Variants in SH3RF2 observed in about 807,000 individuals in gnomAD.
SH3RF2 encodes the protein E3 ubiquitin-protein ligase SH3RF2.
SH3RF2 carries 43 observed loss-of-function variants against 59.0 expected under a neutral mutation model. That is an observed-to-expected ratio of 0.73 (90% confidence interval 0.57 to 0.94). SH3RF2 has a LOEUF of 0.94. Among genes scored for constraint, SH3RF2 ranks in the 40% least tolerant of loss-of-function variants. SH3RF2 has a pLI of 0.00. For missense variants in SH3RF2, 930 were observed against 940.1 expected (o/e 0.99, Z 0.14); for synonymous variants, 391 against 391.5 (o/e 1.00, Z 0.01).
intron 5 of SH3RF2, among the ~76,000 whole-genome samples, chr5:146,044,603 T>A (rs1200654701): frequency 6.6e-6 from 1 of 152,222 alleles, no homozygotes; most frequent in Non-Finnish European, 1.5e-5. Flanking sequence ...TTCTTATGAA[T>A]GTATTGTGAG....
In SH3RF2 at chr5:146,004,061, G is replaced by A. The variant is rs767712032; in HGVS notation, c.652G>A (p.Asp218Asn). 35 of 1,611,386 alleles carry A rather than the reference G, an allele frequency of 2.2e-5. No individual in the cohort carries two copies. In the Admixed American group the frequency reaches 4.2e-4, roughly 19 times the overall value. The change falls in exon 4 of 10, where the codon GAT becomes AAT. Residue 218 changes from aspartate to asparagine, a missense_variant. Transcript: ENST00000359120. Reference protein sequence around the residue: ...NQDCLTFLKDDIITVISRVDE... With the variant: ...NQDCLTFLKDNIITVISRVDE... ...ACCATGAGACTTTCTCTTTCAGGAC[G>A]ATATCATCACTGTGATCAGCCGAGT... is the stretch of plus-strand genomic sequence containing the variant.
At position 146,014,004 on chromosome 5, in the gene SH3RF2, C is replaced by T; in HGVS notation, c.1002C>T (p.Pro334=). 1 of 1,614,136 alleles carries T rather than the reference C, an allele frequency of 6.2e-7. No individual in the cohort carries two copies. The highest frequency in any genetic ancestry group is 2.2e-5 in the East Asian group (1 of 44,872). The part of the protein sequence containing the change: ...STPVLISSSN[P]SVITQPMEKA... ...CAGTGCTCATCAGCTCCAGCAACCCCTCTGTGATCACCCAGCCCATGGAGA... is the reference window on the plus strand; with the variant it reads ...CAGTGCTCATCAGCTCCAGCAACCCTTCTGTGATCACCCAGCCCATGGAGA... Residue 334 remains proline (P), a synonymous_variant, in exon 5 of 10, where the codon CCC becomes CCT. Coordinates refer to ENST00000359120, the MANE Select transcript of SH3RF2 (RefSeq NM_152550.4).
chr5:146,047,799 T>C lies in SH3RF2; in HGVS notation c.1087T>C (p.Ser363Pro). ...QVSTYHPAPV[S>P]PGHSTAVVSL... ...CAGCACTTATCACCCCGCACCTGTC[T>C]CTCCAGGACATTCCACAGCCGTGGT... Residue 363 changes from serine to proline, a missense_variant, in exon 6 of 10, where the codon TCT (serine) becomes CCT (proline). By Grantham distance (74) the Ser-to-Pro change is moderately conservative (BLOSUM62 -1). Transcript: ENST00000359120. 1.9e-6 allele frequency: 3 copies of C among 1,614,116 alleles called. No homozygotes were observed. Among genetic ancestry groups the C allele is most frequent in the African/African-American group, 1.3e-5 (1 of 75,028 alleles).
At chr5:145,963,216 T>C (rs1758702358) in intron 2 of SH3RF2, among the ~76,000 whole-genome samples, 1 of 151,804 alleles carries the variant, frequency 6.6e-6, no homozygotes, top group African/African-American at 2.4e-5. Flanking sequence ...TTTTTTTTAA[T>C]AGCTTGCACA....
intron 2 of SH3RF2, among the ~76,000 whole-genome samples, chr5:145,992,348 G>A (rs1433389607): frequency 6.6e-6 from 1 of 152,142 alleles, no homozygotes; most frequent in Non-Finnish European, 1.5e-5. Flanking sequence ...ACTCCAGCTT[G>A]GGTGACAAAG....
downstream of SH3RF2, among the ~76,000 whole-genome samples, chr5:146,063,507 C>T (rs183840093): frequency 5.9e-5 from 9 of 152,296 alleles, no homozygotes; most frequent in Non-Finnish European, 1.2e-4. Flanking sequence ...GAAAACACAG[C>T]GTGCTTACAA....
At chr5:146,057,970 A>C (rs757777410) in intron 8 of SH3RF2, among the ~76,000 whole-genome samples, 1,010 of 51,482 alleles carry the variant, frequency 0.02, 4 homozygotes, top group African/African-American at 0.029. Flanking sequence ...CTCTCTCTCT[A>C]TCTATCTATC....
chr5:145,991,685 G>A (rs928246918), intron 2 of SH3RF2, among the ~76,000 whole-genome samples: 4 of 152,160 alleles, frequency 2.6e-5, no homozygotes, highest in African/African-American at 9.7e-5. Flanking sequence ...TAGGCAATTA[G>A]TACTATTTTA....
intron 2 of SH3RF2, among the ~76,000 whole-genome samples, chr5:145,955,205 A>C (rs1171526791): frequency 6.6e-6 from 1 of 152,228 alleles, no homozygotes; most frequent in African/African-American, 2.4e-5. Flanking sequence ...TTTTCAGTTC[A>C]AAAACTGACC....
At chr5:146,072,650 A>G (rs541638644) in intron 9 of SH3RF2, among the ~76,000 whole-genome samples, 1 of 152,300 alleles carries the variant, frequency 6.6e-6, no homozygotes, top group South Asian at 2.1e-4. Context: ...CAGCCTGGCA[A>G]CAGAGTGAGA....
At chr5:146,059,555 T>C (rs1762809338) in intron 8 of SH3RF2, among the ~76,000 whole-genome samples, 2 of 152,040 alleles carry the variant, frequency 1.3e-5, no homozygotes, top group African/African-American at 4.8e-5. Flanking sequence ...TGTACGTGTG[T>C]GTGTGCGTGT....
At chr5:145,950,354 C>A (rs185036445) in intron 2 of SH3RF2, among the ~76,000 whole-genome samples, 4 of 152,318 alleles carry the variant, frequency 2.6e-5, no homozygotes, top group Admixed American at 2.6e-4. Flanking sequence ...GCTGCCATTG[C>A]TGGTTGAATC....
At position 146,060,185 on chromosome 5, in the gene SH3RF2, C is replaced by G. The variant is rs547926618; in HGVS notation, c.1875C>G (p.Ile625Met). Residue 625 changes from isoleucine to methionine, a missense_variant, in exon 9 of 10, where the codon ATC becomes ATG. Physicochemically the swap from Ile to Met is conservative, Grantham distance 10. Transcript: ENST00000359120. ...PKPPASAPPS[I>M]LVKPENSRNG... is the part of the protein sequence containing the mutation. ...CGCCCGCATCTGCCCCACCATCCAT[C>G]CTGGTGAAACCAGAAAACTCAAGAA... 1 of 1,611,642 alleles carries G rather than the reference C, an allele frequency of 6.2e-7. No homozygotes were observed. The highest frequency in any genetic ancestry group is 1.1e-5 in the South Asian group (1 of 90,614).
At chr5:145,970,700 G>C (rs1285546485) in intron 2 of SH3RF2, among the ~76,000 whole-genome samples, 1 of 152,086 alleles carries the variant, frequency 6.6e-6, no homozygotes, top group Non-Finnish European at 1.5e-5. Context: ...CCAGCCTGTA[G>C]TATTCTGTTA....
At position 145,938,046 on chromosome 5, in the gene SH3RF2, G is replaced by T. The variant is rs760727551; in HGVS notation, c.118G>T (p.Val40Phe). 6.2e-7 allele frequency: 1 copy of T among 1,614,248 alleles called. No homozygotes were observed. Residue 40 changes from valine to phenylalanine, a missense_variant, in exon 2 of 10, where the codon GTT becomes TTT. Val to Phe is a conservative substitution (Grantham distance 50, BLOSUM62 -1). Transcript: ENST00000359120. ...HTFCKPCLQR[V>F]FKAHKELRCP... ...CTTCTGCAAACCATGTCTACAGAGG[G>T]TTTTCAAGGCCCACAAAGAGCTGCG...
At chr5:145,965,996 G>A (rs922733642) in intron 2 of SH3RF2, among the ~76,000 whole-genome samples, 4 of 152,178 alleles carry the variant, frequency 2.6e-5, no homozygotes, top group African/African-American at 7.2e-5. Flanking sequence ...TGAGGCAAAG[G>A]GAACAGTAGC....
Position 146,014,014 on chromosome 5 carries a change from A to C in SH3RF2, c.1012A>C (p.Thr338Pro), listed in dbSNP as rs763181629. 1 of 1,613,934 alleles carries C rather than the reference A, an allele frequency of 6.2e-7. No homozygotes were observed. Among genetic ancestry groups the C allele is most frequent in the Admixed American group, 1.7e-5 (1 of 59,996 alleles). The change falls in exon 5 of 10, where the codon ACC becomes CCC. Residue 338 changes from threonine to proline, a missense_variant. Coordinates refer to ENST00000359120, the MANE Select transcript of SH3RF2 (RefSeq NM_152550.4). ...CAGCTCCAGCAACCCCTCTGTGATC[A>C]CCCAGCCCATGGAGAAAGCAGACGT... is the stretch of plus-strand genomic sequence containing the variant. ...LISSSNPSVI[T>P]QPMEKADVPS...
intron 5 of SH3RF2, among the ~76,000 whole-genome samples, chr5:146,040,197 A>T (rs1048871055): frequency 6.6e-6 from 1 of 152,090 alleles, no homozygotes; most frequent in Non-Finnish European, 1.5e-5. Context: ...TTCAACTTCT[A>T]TTTTTATTGT....
Position 146,027,554 on chromosome 5 carries a change from A to G in SH3RF2, c.1059+13493A>G, listed in dbSNP as rs73313904. ...CTCCAAGCTAGCAGGGAAGACAAAA[A>G]CTAAACAAATTATTAACATACTTGA... On this transcript the variant is annotated intron_variant, in intron 5 of 9. Transcript: ENST00000359120. 4.1e-4 allele frequency among the ~76,000 whole-genome samples: 62 copies of G among 152,336 alleles called. 1 individual carries two copies. Among genetic ancestry groups the G allele is most frequent in the African/African-American group, 1.4e-3 (60 of 41,576 alleles).
Sources: allele counts gnomAD v4.1 joint callset (sites outside exome capture counted in the v4.1 genomes callset), GRCh38; gene constraint gnomAD v4.1.1; transcripts MANE v1.5; gene names NCBI Gene and HGNC (gene_info 2026-07-23, HGNC 2026-07-21).